Variants in ZNF804B observed in about 807,000 individuals in gnomAD.
ZNF804B encodes the protein zinc finger 804B.
ZNF804B carries 80 observed loss-of-function variants against 101.4 expected under a neutral mutation model. That is an observed-to-expected ratio of 0.79 (90% CI 0.66 to 0.95). ZNF804B has a LOEUF of 0.95. ZNF804B is among the 40% of genes least tolerant of loss of function. The probability of loss-of-function intolerance (pLI) is 0.00; values close to 1 mark genes in which losing one functional copy is unlikely to be tolerated. For synonymous variants in ZNF804B, 622 were observed against 558.8 expected, an observed-to-expected ratio of 1.11 and a Z score of -1.59; for missense variants, 1,673 against 1,561.9, an observed-to-expected ratio of 1.07 and a Z score of -1.20.
At chr7:89,085,682 AG>A (rs1789788391) in intron 1 of ZNF804B, among the ~76,000 whole-genome samples, 1 of 151,892 alleles carries the variant, frequency 6.6e-6, no homozygotes, top group Admixed American at 6.6e-5. Context: ...TGTGCAAAGG[AG>A]GCACACAGCT....
At chr7:88,819,170 C>T (rs1790934239) in intron 1 of ZNF804B, among the ~76,000 whole-genome samples, 1 of 152,142 alleles carries the variant, frequency 6.6e-6, no homozygotes, top group Admixed American at 6.5e-5. Flanking sequence ...GTCACCCAGG[C>T]TGGAATGCAG....
chr7:89,021,782 G>T (rs1277609511), intron 1 of ZNF804B, among the ~76,000 whole-genome samples: 1 of 152,156 alleles, frequency 6.6e-6, no homozygotes, highest in African/African-American at 2.4e-5. Context: ...GTGCTGGGGA[G>T]GTAAAGTGGC....
intron 1 of ZNF804B, among the ~76,000 whole-genome samples, chr7:88,877,874 A>G (rs187895264): frequency 1.3e-5 from 2 of 152,148 alleles, no homozygotes; most frequent in African/African-American, 2.4e-5. Context: ...GTGTGATAAT[A>G]TGTTACTCGT....
chr7:88,926,646 G>T (rs1792804948), intron 1 of ZNF804B, among the ~76,000 whole-genome samples: 1 of 151,794 alleles, frequency 6.6e-6, no homozygotes. Flanking sequence ...TTAATTAAAA[G>T]GAACTGTCTA....
At chr7:88,850,602 C>T (rs922993509) in intron 1 of ZNF804B, among the ~76,000 whole-genome samples, 1 of 151,990 alleles carries the variant, frequency 6.6e-6, no homozygotes, top group African/African-American at 2.4e-5. Context: ...GCAAAATTTA[C>T]CCTAGACAAA....
intron 1 of ZNF804B, among the ~76,000 whole-genome samples, chr7:89,035,130 A>G (rs1300085281): frequency 2.0e-5 from 3 of 152,118 alleles, no homozygotes; most frequent in African/African-American, 7.2e-5. Flanking sequence ...ATTTTACCTA[A>G]ATTTTCAATA....
intron 2 of ZNF804B, among the ~76,000 whole-genome samples, chr7:89,218,505 A>G (rs1211509256): frequency 6.6e-6 from 1 of 152,184 alleles, no homozygotes; most frequent in East Asian, 1.9e-4. Flanking sequence ...AGGTAAACTT[A>G]GAGATAATCT....
In ZNF804B at chr7:89,281,523, A is replaced by G. The variant is rs932712345; in HGVS notation, c.250-45821A>G. Among the ~76,000 whole-genome samples, 3 of 152,210 alleles carry G rather than the reference A, an allele frequency of 2.0e-5. No homozygotes were observed. The East Asian group carries it at 5.8e-4, about 29-fold the overall frequency. ...TAGATAATACAATTAAAAATGTAAA[A>G]TAATAAAAACAACTATCGTTTCTGC... On this transcript the variant is annotated intron_variant, in intron 2 of 3. Transcript: ENST00000333190.
chr7:89,128,117 T>C (rs1790499754), intron 1 of ZNF804B, among the ~76,000 whole-genome samples: 1 of 151,828 alleles, frequency 6.6e-6, no homozygotes, highest in South Asian at 2.1e-4. Flanking sequence ...TTTAATAAAT[T>C]CCTTTTGGGC....
intron 1 of ZNF804B, among the ~76,000 whole-genome samples, chr7:88,976,728 C>A (rs953625643): frequency 6.6e-6 from 1 of 151,596 alleles, no homozygotes; most frequent in Non-Finnish European, 1.5e-5. Context: ...CTCTTGATTT[C>A]TTTCTCTTGT....
At chr7:89,078,375 G>T (rs1399184565) in intron 1 of ZNF804B, among the ~76,000 whole-genome samples, 2 of 152,048 alleles carry the variant, frequency 1.3e-5, no homozygotes, top group Non-Finnish European at 2.9e-5. Flanking sequence ...TTTGAAAATT[G>T]TTGGTCATGC....
At chr7:89,081,078 G>C (rs1001012898) in intron 1 of ZNF804B, among the ~76,000 whole-genome samples, 2 of 151,822 alleles carry the variant, frequency 1.3e-5, no homozygotes, top group African/African-American at 4.8e-5. Flanking sequence ...GTTAACCGAG[G>C]GATGTTGGAG....
intron 1 of ZNF804B, among the ~76,000 whole-genome samples, chr7:89,080,300 A>G (rs951721779): frequency 6.6e-6 from 1 of 152,076 alleles, no homozygotes; most frequent in African/African-American, 2.4e-5. Context: ...ACCTTAAAAA[A>G]AAAAAAGTAT....
intron 1 of ZNF804B, among the ~76,000 whole-genome samples, chr7:88,949,442 G>T (rs1180846412): frequency 6.6e-6 from 1 of 151,854 alleles, no homozygotes; most frequent in Non-Finnish European, 1.5e-5. Flanking sequence ...CCAGTTCTTT[G>T]CTATTTCATT....
At chr7:89,208,559 T>C (rs1788752443) in intron 1 of ZNF804B, among the ~76,000 whole-genome samples, 1 of 151,968 alleles carries the variant, frequency 6.6e-6, no homozygotes, top group Admixed American at 6.6e-5. Flanking sequence ...TAGCTGCTGT[T>C]ATGATTATCT....
chr7:89,187,664 C>T (rs62463575), intron 1 of ZNF804B, among the ~76,000 whole-genome samples: 3,395 of 152,206 alleles, frequency 0.022, 63 homozygotes, highest in Middle Eastern at 0.054. Context: ...CTGAGTAAAT[C>T]ATTGTGGAAA....
At chr7:89,104,404 A>G (rs1268638101) in intron 1 of ZNF804B, among the ~76,000 whole-genome samples, 1 of 151,826 alleles carries the variant, frequency 6.6e-6, no homozygotes, top group Non-Finnish European at 1.5e-5. Flanking sequence ...TACTGATTCA[A>G]TGTTCTTCTT....
chr7:88,877,045 ATATATTTTTTTTTTT>A (rs1225793277), intron 1 of ZNF804B, among the ~76,000 whole-genome samples: 10 of 36,504 alleles, frequency 2.7e-4, no homozygotes, highest in Non-Finnish European at 3.7e-4. Flanking sequence ...ATATATATAT[ATATATTTTTTTTTTT>A]TTTTTTTTTT....
At chr7:88,854,542 C>CCTTA (rs1396231999) in intron 1 of ZNF804B, among the ~76,000 whole-genome samples, 5 of 87,654 alleles carry the variant, frequency 5.7e-5, no homozygotes, top group Non-Finnish European at 8.4e-5. Context: ...TTCCTTCCTT[C>CCTTA]CTTCCTTCCT....
Sources: allele counts gnomAD v4.1 joint callset (sites outside exome capture counted in the v4.1 genomes callset), GRCh38; gene constraint gnomAD v4.1.1; transcripts MANE v1.5; gene names NCBI Gene and HGNC (gene_info 2026-07-23, HGNC 2026-07-21).